CABIN1: variants seen among roughly 807,000 people sequenced by gnomAD.
CABIN1 encodes calcineurin-binding protein cabin-1.
A neutral mutation model predicts 227.7 loss-of-function variants in CABIN1; 133 were observed. The ratio of observed to expected loss-of-function variants is 0.58; its 90% CI spans 0.51 to 0.67. The LOEUF (loss-of-function observed/expected upper bound fraction) is 0.67. CABIN1 is among the 30% of genes least tolerant of loss of function. CABIN1 has a pLI of 0.00. For synonymous variants in CABIN1, 1,086 were observed against 1,155.1 expected, an observed-to-expected ratio of 0.94 and a Z score of 1.21; for missense variants, 2,408 against 2,852.5, an observed-to-expected ratio of 0.84 and a Z score of 3.55.
At chr22:24,174,224 GCTCAGGTGATCCTCCTAC>G (rs1168521791) in intron 34 of CABIN1, among the ~76,000 whole-genome samples, 4 of 151,790 alleles carry the variant, frequency 2.6e-5, no homozygotes, top group African/African-American at 9.7e-5. Context: ...ACCTCCCTGG[GCTCAGGTGATCCTCCTAC>G]CTCAGCCTCC....
At chr22:24,021,638 A>G (rs925239174) in intron 1 of CABIN1, among the ~76,000 whole-genome samples, 2 of 151,946 alleles carry the variant, frequency 1.3e-5, no homozygotes, top group Non-Finnish European at 2.9e-5. Context: ...TGAAGCCTCT[A>G]ATTTTTAGGG....
chr22:24,065,292 G>A (rs2146541869), intron 15 of CABIN1, among the ~76,000 whole-genome samples: 1 of 151,384 alleles, frequency 6.6e-6, no homozygotes, highest in Non-Finnish European at 1.5e-5. Context: ...TCTCAGACGG[G>A]GCGGCCGGGC....
At chr22:24,013,168 T>C (rs957589782) in intron 1 of CABIN1, among the ~76,000 whole-genome samples, 4 of 149,986 alleles carry the variant, frequency 2.7e-5, no homozygotes, top group South Asian at 2.1e-4. Context: ...ATGATAAATA[T>C]ATAATCAAAA....
intron 26 of CABIN1, among the ~76,000 whole-genome samples, chr22:24,108,010 A>ATTGTCTAAGCCATCGGTGT (rs1229777852): frequency 1.3e-5 from 2 of 152,232 alleles, no homozygotes; most frequent in Non-Finnish European, 1.5e-5. Flanking sequence ...CCTCACGAGC[A>ATTGTCTAAGCCATCGGTGT]TTGTCTAAGC....
chr22:24,040,583 C>G (rs1217265968), intron 4 of CABIN1, among the ~76,000 whole-genome samples: 1 of 152,246 alleles, frequency 6.6e-6, no homozygotes, highest in Non-Finnish European at 1.5e-5. Flanking sequence ...GGTCTTTCAG[C>G]TCACTTTAAC....
chr22:24,156,070 C>T (rs2045775651), intron 29 of CABIN1: 3 of 425,108 alleles, frequency 7.1e-6, no homozygotes, highest in East Asian at 3.6e-5. Context: ...CACGGCGGAG[C>T]CGGCGGGTAG....
chr22:24,020,252 A>T lies in CABIN1; in HGVS notation c.-75+8885A>T, dbSNP rs180954173. 4.4e-3 allele frequency among the ~76,000 whole-genome samples: 674 copies of T among 152,248 alleles called. 2 individuals carry two copies. Among genetic ancestry groups the T allele is most frequent in the South Asian group, 0.011 (55 of 4,816 alleles). ...TTCCCTTCTGTGGAGATAATCATGT[A>T]ATTATTTTTCCCTTAGATGATTACA... On this transcript the variant is annotated intron_variant, in intron 1 of 36. Coordinates refer to ENST00000263119, the MANE Select transcript of CABIN1 (RefSeq NM_012295.4).
rs538140851 is a variant in CABIN1, at chr22:24,129,096, G to A, written c.4633-5206G>A. 2.0e-5 allele frequency among the ~76,000 whole-genome samples: 3 copies of A among 152,304 alleles called. No homozygotes were observed. The South Asian group carries it at 6.2e-4, about 32-fold the overall frequency. On this transcript the variant is annotated intron_variant, in intron 28 of 36. Coordinates refer to ENST00000263119, the MANE Select transcript of CABIN1 (RefSeq NM_012295.4). ...GCACCTGGGATCAGGTCTGCCTTACGGCTTTGCACATCTTGGGACAGCAGG... is the reference window on the plus strand; with the variant it reads ...GCACCTGGGATCAGGTCTGCCTTACAGCTTTGCACATCTTGGGACAGCAGG...
In CABIN1 at chr22:24,177,774, C is replaced by T; in HGVS notation, c.6476C>T (p.Ser2159Phe). The change falls in exon 36 of 37, where the codon TCC becomes TTC. Residue 2159 changes from serine to phenylalanine, a missense_variant. Around this residue, in one of 3 missense-constraint regions of CABIN1, gnomAD observed 714 missense variants for 773.8 expected, o/e 0.92. Coordinates refer to ENST00000263119, the MANE Select transcript of CABIN1 (RefSeq NM_012295.4). This position sits in a 1 kb window ranked among gnomAD's most constrained non-coding sequence, Gnocchi z 4.4. ...ACGCCACCCACCCCAACCCTGCTCT[C>T]CCCCAAAGGCAGCATCTCGGAGGAG... ...TVTPPTPTLL[S>F]PKGSISEETK... 3.7e-6 allele frequency: 6 copies of T among 1,609,686 alleles called. No individual in the cohort carries two copies. Among genetic ancestry groups the T allele is most frequent in the Non-Finnish European group, 5.1e-6 (6 of 1,176,952 alleles).
At chr22:24,128,250 C>T (rs1019653427) in intron 28 of CABIN1, among the ~76,000 whole-genome samples, 15 of 143,584 alleles carry the variant, frequency 1.0e-4, no homozygotes, top group African/African-American at 3.7e-4. Context: ...CTCGTGTACT[C>T]ATAAACTCTT....
At chr22:24,169,154 G>C (rs974745988) in intron 33 of CABIN1, among the ~76,000 whole-genome samples, 1 of 152,112 alleles carries the variant, frequency 6.6e-6, no homozygotes, top group African/African-American at 2.4e-5. Flanking sequence ...AGAGGTGGGA[G>C]GGCTGGGATC....
chr22:24,089,714 G>A (rs2041415862), intron 23 of CABIN1, among the ~76,000 whole-genome samples: 1 of 152,188 alleles, frequency 6.6e-6, no homozygotes, highest in Non-Finnish European at 1.5e-5. Flanking sequence ...ATGGGCTGCA[G>A]GACACATGTT....
rs2044263053 is a variant in CABIN1, at chr22:24,134,364, C to A, written c.4695C>A (p.His1565Gln). Residue 1565 changes from histidine (H) to glutamine (Q), a missense_variant, in exon 29 of 37, where the codon CAC (histidine) becomes CAA (glutamine). This residue lies in a region of CABIN1 where 649 missense variants were observed against 910.3 expected (regional missense o/e 0.71). Transcript: ENST00000263119. The part of the protein sequence containing the change: ...GSSIPWQQLQ[H>Q]MPAQGLFCER... ...GTATCCCGTGGCAACAACTGCAGCA[C>A]ATGCCGGCACAGGGGCTCTTCTGCG... The A allele has an allele frequency of 6.2e-7, 1 of 1,614,080 alleles. No homozygotes were observed. The highest frequency in any genetic ancestry group is 8.5e-7 in the Non-Finnish European group (1 of 1,180,026).
At chr22:24,026,932 T>C (rs779415527) in intron 1 of CABIN1, among the ~76,000 whole-genome samples, 11 of 152,260 alleles carry the variant, frequency 7.2e-5, no homozygotes, top group Non-Finnish European at 1.3e-4. Context: ...CCTGCTGTGA[T>C]GTTTATTGGG....
chr22:24,170,050 C>A, intron 33 of CABIN1: 1 of 448,832 alleles, frequency 2.2e-6, no homozygotes, highest in Non-Finnish European at 4.5e-6. Context: ...CAGGCCCCAG[C>A]AGTCTCCTCC....
At chr22:24,034,044 C>T (rs1049765370) in intron 1 of CABIN1, among the ~76,000 whole-genome samples, 3 of 152,250 alleles carry the variant, frequency 2.0e-5, no homozygotes, top group South Asian at 4.1e-4. Context: ...GAAACTTTCA[C>T]TTCACATCAT....
At chr22:24,135,720 T>G (rs1013450031) in intron 29 of CABIN1, among the ~76,000 whole-genome samples, 1 of 152,226 alleles carries the variant, frequency 6.6e-6, no homozygotes, top group Admixed American at 6.5e-5. Context: ...TTCTTCTGTA[T>G]TTTCCTTGAT....
At chr22:24,047,481 C>A (rs1354667787) in intron 6 of CABIN1, among the ~76,000 whole-genome samples, 1 of 152,230 alleles carries the variant, frequency 6.6e-6, no homozygotes, top group Non-Finnish European at 1.5e-5. Context: ...GATGGCTACC[C>A]TTCAGGTTTC....
At chr22:24,136,682 T>C (rs1019227507) in intron 29 of CABIN1, among the ~76,000 whole-genome samples, 3 of 151,272 alleles carry the variant, frequency 2.0e-5, no homozygotes, top group African/African-American at 7.3e-5. Flanking sequence ...CCCTTATTGA[T>C]GGACACTTAG....
Sources: allele counts gnomAD v4.1 joint callset (sites outside exome capture counted in the v4.1 genomes callset), GRCh38; gene constraint gnomAD v4.1.1; regional missense constraint gnomAD v4.1.1; non-coding constraint Gnocchi (gnomAD v3.1); transcripts MANE v1.5; gene names NCBI Gene and HGNC (gene_info 2026-07-23, HGNC 2026-07-21).